SPOCK1: variants seen among roughly 807,000 people sequenced by gnomAD.
SPOCK1 encodes testican-1.
SPOCK1 carries 23 observed loss-of-function variants against 55.3 expected under a neutral mutation model. The observed-to-expected ratio is 0.42, with a 90% confidence interval of 0.30 to 0.59. SPOCK1 has a LOEUF of 0.59. SPOCK1 is among the 20% of genes least tolerant of loss of function. The pLI is 0.22. For missense variants in SPOCK1, 499 were observed against 552.5 expected, an observed-to-expected ratio of 0.90 and a Z score of 0.97; for synonymous variants, 226 against 221.0, an observed-to-expected ratio of 1.02 and a Z score of -0.20.
intron 3 of SPOCK1, among the ~76,000 whole-genome samples, chr5:137,223,774 C>T (rs1755900077): frequency 1.3e-5 from 2 of 151,970 alleles, no homozygotes; most frequent in Admixed American, 1.3e-4. Context: ...AGCTGACATG[C>T]CCTGCCAGAG....
intron 2 of SPOCK1, among the ~76,000 whole-genome samples, chr5:137,395,773 G>A (rs561969345): frequency 6.6e-6 from 1 of 152,308 alleles, no homozygotes; most frequent in East Asian, 1.9e-4. Flanking sequence ...TGAGAGGTGA[G>A]GAGGTAAGCT....
At chr5:137,202,805 A>C (rs1729475264) in intron 3 of SPOCK1, among the ~76,000 whole-genome samples, 2 of 152,242 alleles carry the variant, frequency 1.3e-5, no homozygotes, top group South Asian at 4.1e-4. Flanking sequence ...GGAATAGAAG[A>C]GTTCTTCTAT....
chr5:137,315,835 TC>T (rs1757871265), intron 2 of SPOCK1, among the ~76,000 whole-genome samples: 1 of 152,100 alleles, frequency 6.6e-6, no homozygotes, highest in Non-Finnish European at 1.5e-5. Flanking sequence ...TGCCTATGAA[TC>T]CCCAGGAGAT....
chr5:137,458,879 G>A (rs1478379531), intron 2 of SPOCK1, among the ~76,000 whole-genome samples: 1 of 152,148 alleles, frequency 6.6e-6, no homozygotes, highest in Non-Finnish European at 1.5e-5. Flanking sequence ...GTTCTGGGGT[G>A]GTTTTATCAT....
chr5:137,346,305 A>G (rs1750553785), intron 2 of SPOCK1, among the ~76,000 whole-genome samples: 1 of 152,140 alleles, frequency 6.6e-6, no homozygotes, highest in Admixed American at 6.5e-5. Context: ...ACAGAACAGG[A>G]GTTTGCTCCC....
intron 2 of SPOCK1, among the ~76,000 whole-genome samples, chr5:137,274,681 T>C (rs1757028719): frequency 6.6e-6 from 1 of 152,216 alleles, no homozygotes; most frequent in Non-Finnish European, 1.5e-5. Flanking sequence ...ATCTTGTCAA[T>C]TAGGCCCAAG....
chr5:137,066,983 CACACAGAG>C (rs900223710), intron 6 of SPOCK1, among the ~76,000 whole-genome samples: 3 of 124,324 alleles, frequency 2.4e-5, no homozygotes, highest in Non-Finnish European at 3.6e-5. Flanking sequence ...CACACACACA[CACACAGAG>C]AGAGAGAGAG....
rs534184120 is a variant in SPOCK1, at chr5:137,216,816, G to A, written c.232+50194C>T. 8.5e-5 allele frequency among the ~76,000 whole-genome samples: 13 copies of A among 152,352 alleles called. No individual in the cohort carries two copies. In the East Asian group the frequency reaches 2.3e-3, roughly 27 times the overall value. ...TCTACCTGGAGGAATCAGGGGTCGG[G>A]GGTGTGTTGTGAAACCATCACTCGG... is the stretch of plus-strand genomic sequence containing the variant. On this transcript the variant is annotated intron_variant, in intron 3 of 10. Transcript: ENST00000394945.
chr5:137,319,043 T>A (rs1479827155), intron 2 of SPOCK1, among the ~76,000 whole-genome samples: 10 of 152,208 alleles, frequency 6.6e-5, no homozygotes, highest in Non-Finnish European at 1.5e-4. Context: ...CTAAAAAACA[T>A]AAGTCACTTT....
chr5:137,027,050 T>C (rs2126983489), intron 6 of SPOCK1, among the ~76,000 whole-genome samples: 1 of 152,320 alleles, frequency 6.6e-6, no homozygotes, highest in African/African-American at 2.4e-5. Context: ...ATGATTGTTT[T>C]ATTTTCTGAA....
chr5:137,105,934 TG>T (rs761038312), intron 5 of SPOCK1, among the ~76,000 whole-genome samples: 9 of 152,160 alleles, frequency 5.9e-5, no homozygotes, highest in Non-Finnish European at 1.3e-4. Flanking sequence ...GCCAAGCTGA[TG>T]CCAGTGAACA....
intron 7 of SPOCK1, 90 bp from the exon 8 acceptor site, chr5:136,988,733 A>AAG: frequency 8.4e-7 from 1 of 1,196,642 alleles, no homozygotes; most frequent in Non-Finnish European, 1.2e-6. Flanking sequence ...AGAAGATGCC[A>AAG]AGGCCCACCT....
At chr5:137,417,684 T>A (rs1752369287) in intron 2 of SPOCK1, among the ~76,000 whole-genome samples, 1 of 152,196 alleles carries the variant, frequency 6.6e-6, no homozygotes, top group Non-Finnish European at 1.5e-5. Flanking sequence ...ATACATCTAT[T>A]ACCAATAGTT....
intron 2 of SPOCK1, chr5:137,313,367 G>C (rs972791609): frequency 1.7e-5 from 17 of 973,040 alleles, no homozygotes; most frequent in Non-Finnish European, 2.0e-5. Flanking sequence ...ACATTGACAG[G>C]ACAAAAAGAT....
chr5:137,488,781 A>G (rs1478225439), intron 2 of SPOCK1, among the ~76,000 whole-genome samples: 1 of 152,212 alleles, frequency 6.6e-6, no homozygotes, highest in Non-Finnish European at 1.5e-5. Context: ...CGGACTTTGC[A>G]TAAATGCCTG....
chr5:137,185,773 G>A (rs1755057515), intron 3 of SPOCK1, among the ~76,000 whole-genome samples: 1 of 152,116 alleles, frequency 6.6e-6, no homozygotes, highest in Admixed American at 6.5e-5. Context: ...CATCTAAGGA[G>A]GCCCCTGCAG....
At chr5:137,489,641 C>T (rs569862077) in intron 2 of SPOCK1, among the ~76,000 whole-genome samples, 1 of 152,294 alleles carries the variant, frequency 6.6e-6, no homozygotes, top group African/African-American at 2.4e-5. Flanking sequence ...CATCTGTGTG[C>T]CTCACTTTTT....
chr5:137,328,324 G>A (rs1045001226), intron 2 of SPOCK1, among the ~76,000 whole-genome samples: 9 of 152,208 alleles, frequency 5.9e-5, no homozygotes, highest in African/African-American at 1.9e-4. Flanking sequence ...ACTGGGAAGA[G>A]TGAAAGTTTG....
intron 2 of SPOCK1, among the ~76,000 whole-genome samples, chr5:137,309,291 T>A (rs1430310548): frequency 6.6e-6 from 1 of 150,448 alleles, no homozygotes; most frequent in South Asian, 2.1e-4. Context: ...ATAAGAAAAC[T>A]GTATGGATAA....
Sources: allele counts gnomAD v4.1 joint callset (sites outside exome capture counted in the v4.1 genomes callset), GRCh38; gene constraint gnomAD v4.1.1; transcripts MANE v1.5; gene names NCBI Gene and HGNC (gene_info 2026-07-23, HGNC 2026-07-21).